The following ARFIP2 variants were observed in gnomAD, a reference collection of about 807,000 sequenced individuals.
The protein encoded by ARFIP2 is arfaptin-2.
ARFIP2 carries 14 observed loss-of-function variants against 39.2 expected under a neutral mutation model. That is an observed-to-expected ratio of 0.36 (90% CI 0.24 to 0.56). The LOEUF is 0.56. Among genes scored for constraint, ARFIP2 ranks in the 20% least tolerant of loss-of-function variants. ARFIP2 has a pLI of 0.85. For synonymous variants in ARFIP2, 167 were observed against 172.4 expected, an observed-to-expected ratio of 0.97 and a Z score of 0.24; for missense variants, 305 against 422.5, an observed-to-expected ratio of 0.72 and a Z score of 2.44.
chr11:6,479,517 G>T (rs769161889), intron 3 of ARFIP2: 2 of 623,628 alleles, frequency 3.2e-6, no homozygotes, highest in Non-Finnish European at 2.8e-6. Context: ...GGAAACAGAA[G>T]AAAATACACT....
rs758109695 is a variant in ARFIP2, at chr11:6,477,149, T to C, written c.990A>G (p.Pro330=). 6.2e-7 allele frequency: 1 copy of C among 1,611,634 alleles called. No individual in the cohort carries two copies. The highest frequency in any genetic ancestry group is 1.1e-5 in the South Asian group (1 of 90,404). ...LQQFNIKLRP[P]GAEKPSWLEE... ...CTAGCCAGGAGGGTTTCTCAGCTCCTGGAGGCCGCAGCTTGATGTTGAACT... is the reference window on the plus strand; with the variant it reads ...CTAGCCAGGAGGGTTTCTCAGCTCCCGGAGGCCGCAGCTTGATGTTGAACT... Residue 330 remains proline, a synonymous_variant, in exon 8 of 8, where the codon CCA becomes CCG. Coordinates refer to ENST00000396777, the MANE Select transcript of ARFIP2 (RefSeq NM_001376558.2). The surrounding 1 kb of genome is among the most constrained non-coding windows in gnomAD (Gnocchi z 4.8).
rs995836490 is a variant in ARFIP2 at position 6,480,162 on chromosome 11, A to T, written c.100-94T>A. ...AAGTTTGGATTCAAGCATCATAAAGATAGTACACAAGGGAAGTCTGCACAG... is the reference window on the plus strand; with the variant it reads ...AAGTTTGGATTCAAGCATCATAAAGTTAGTACACAAGGGAAGTCTGCACAG... On this transcript the variant is annotated intron_variant, in intron 2 of 7. Transcript: ENST00000396777. 7 of 1,315,692 alleles carry T rather than the reference A, an allele frequency of 5.3e-6. No individual in the cohort carries two copies. In the African/African-American group the frequency reaches 5.9e-5, roughly 11 times the overall value. 81.5% of individuals were successfully genotyped at this position (1,315,692 alleles called of 1,614,324 possible).
chr11:6,477,156 C>A lies in ARFIP2; in HGVS notation c.983G>T (p.Arg328Leu), dbSNP rs368145555. The change falls in exon 8 of 8, where the codon CGG becomes CTG. Residue 328 changes from arginine (R) to leucine (L), a missense_variant. This residue lies in a region of ARFIP2 where 112 missense variants were observed against 118.2 expected (regional missense o/e 0.95). Coordinates refer to ENST00000396777, the MANE Select transcript of ARFIP2 (RefSeq NM_001376558.2). This position sits in a 1 kb window ranked among gnomAD's most constrained non-coding sequence, Gnocchi z 4.8. The part of the protein sequence containing the change: ...QTLQQFNIKL[R>L]PPGAEKPSWL... ...GGAGGGTTTCTCAGCTCCTGGAGGCCGCAGCTTGATGTTGAACTGCTGCAG... is the reference window on the plus strand; with the variant it reads ...GGAGGGTTTCTCAGCTCCTGGAGGCAGCAGCTTGATGTTGAACTGCTGCAG... The A allele has an allele frequency of 6.2e-7, 1 of 1,611,724 alleles. No homozygotes were observed. Among genetic ancestry groups the A allele is most frequent in the Admixed American group, 1.7e-5 (1 of 59,842 alleles).
In ARFIP2 at chr11:6,477,168, T is replaced by C. The variant is rs1288714143; in HGVS notation, c.971A>G (p.Asn324Ser). Reference protein sequence around the residue: ...KQLEQTLQQFNIKLRPPGAEK... With the variant: ...KQLEQTLQQFSIKLRPPGAEK... ...AGCTCCTGGAGGCCGCAGCTTGATGTTGAACTGCTGCAGGGTCTGCTCCAG... is the reference window on the plus strand; with the variant it reads ...AGCTCCTGGAGGCCGCAGCTTGATGCTGAACTGCTGCAGGGTCTGCTCCAG... The change falls in exon 8 of 8, where the codon AAC becomes AGC. Residue 324 changes from asparagine to serine, a missense_variant. Physicochemically the swap from Asn to Ser is conservative, Grantham distance 46. Coordinates refer to ENST00000396777, the MANE Select transcript of ARFIP2 (RefSeq NM_001376558.2). The surrounding 1 kb of genome is among the most constrained non-coding windows in gnomAD (Gnocchi z 4.8). 2 of 1,612,444 alleles carry C rather than the reference T, an allele frequency of 1.2e-6. No individual in the cohort carries two copies. The highest frequency in any genetic ancestry group is 1.7e-6 in the Non-Finnish European group (2 of 1,179,206).
Position 6,479,156 on chromosome 11 carries a change from C to G in ARFIP2, c.299G>C (p.Gly100Ala). 1 of 1,614,024 alleles carries G rather than the reference C, an allele frequency of 6.2e-7. No homozygotes were observed. Among genetic ancestry groups the G allele is most frequent in the Non-Finnish European group, 8.5e-7 (1 of 1,180,000 alleles). Residue 100 changes from glycine (G) to alanine (A), a missense_variant, in exon 4 of 8, where the codon GGC (glycine) becomes GCC (alanine). Transcript: ENST00000396777. ...AAATCCTACCTTATAGGTGTTGATGCCCCATTTCTTGACGATGTCAAACTT... is the reference window on the plus strand; with the variant it reads ...AAATCCTACCTTATAGGTGTTGATGGCCCATTTCTTGACGATGTCAAACTT... ...GEKFDIVKKW[G>A]INTYKCTKQL...
Position 6,477,322 on chromosome 11 carries a change from T to C in ARFIP2, c.871-54A>G. Reference sequence around the variant, plus strand: ...TGGACTCAGGCGCCCTTCTTGAGGGTCTATGAGCCTGAGCCCAGGCACAGA... The same window carrying C: ...TGGACTCAGGCGCCCTTCTTGAGGGCCTATGAGCCTGAGCCCAGGCACAGA... On this transcript the variant is annotated intron_variant, in intron 7 of 7. Coordinates refer to ENST00000396777, the MANE Select transcript of ARFIP2 (RefSeq NM_001376558.2). This position sits in a 1 kb window ranked among gnomAD's most constrained non-coding sequence, Gnocchi z 4.8. 6.4e-7 allele frequency: 1 copy of C among 1,572,548 alleles called. No individual in the cohort carries two copies. The highest frequency in any genetic ancestry group is 8.6e-7 in the Non-Finnish European group (1 of 1,159,010).
rs1564984303 is a variant in ARFIP2, at chr11:6,478,879, C to T, written c.396G>A (p.Leu132=). ...CATACTTGCGCTTCGTCTCACGCAG[C>T]AACTCAATCTGCAGCTCTAGCTCCA... ...VDLELELQIE[L]LRETKRKYES... is the part of the protein sequence containing the mutation. Residue 132 remains leucine, a synonymous_variant, in exon 5 of 8, where the codon TTG becomes TTA. Coordinates refer to ENST00000396777, the MANE Select transcript of ARFIP2 (RefSeq NM_001376558.2). This position sits in a 1 kb window ranked among gnomAD's most constrained non-coding sequence, Gnocchi z 4.8. 1 of 1,614,204 alleles carries T rather than the reference C, an allele frequency of 6.2e-7. No homozygotes were observed. The highest frequency in any genetic ancestry group is 8.5e-7 in the Non-Finnish European group (1 of 1,180,036).
In ARFIP2 at chr11:6,478,006, A is replaced by T; in HGVS notation, c.695+35T>A. 6.2e-7 allele frequency: 1 copy of T among 1,606,288 alleles called. No homozygotes were observed. Among genetic ancestry groups the T allele is most frequent in the South Asian group, 1.1e-5 (1 of 90,792 alleles). On this transcript the variant is annotated intron_variant, in intron 6 of 7. Transcript: ENST00000396777. This position sits in a 1 kb window ranked among gnomAD's most constrained non-coding sequence, Gnocchi z 4.8. ...CCCAAATTTCCACCCATACCAGCCA[A>T]CTCCCCAAACCCTAAGCCCTGCCAG...
At position 6,476,690 on chromosome 11, in the gene ARFIP2, G is replaced by A. The variant is rs780110342; in HGVS notation, c.*423C>T. ...CAGTCCCCTTCTCTGCAATGGGCAC[G>A]CATAGAGGAGAGACAAAGGGTATTA... On this transcript the variant is annotated 3_prime_UTR_variant, in exon 8 of 8. Transcript: ENST00000396777. 1.1e-5 allele frequency: 2 copies of A among 174,022 alleles called. No individual in the cohort carries two copies. Among genetic ancestry groups the A allele is most frequent in the Admixed American group, 5.5e-5 (1 of 18,298 alleles). 10.8% of individuals were successfully genotyped at this position (174,022 alleles called of 1,614,324 possible). A position where few individuals can be genotyped will look rare whatever the true frequency, so the allele number is the denominator to read the frequency against.
At chr11:6,479,382 G>T in intron 3 of ARFIP2, 124 bp from the exon 4 acceptor site, 1 of 1,592,894 alleles carries the variant, frequency 6.3e-7, no homozygotes. Context: ...AGAGACAACT[G>T]GATGCTCCTG....
chr11:6,481,194 CGTTCAA>C (rs1851733002), intron 1 of ARFIP2, 31 bp downstream of exon 1: 17 of 537,862 alleles, frequency 3.2e-5, no homozygotes, highest in Non-Finnish European at 5.3e-5. Context: ...CAGGTTTGTG[CGTTCAA>C]CTTCCCGTCG....
In ARFIP2 at chr11:6,478,620, C is replaced by G. The variant is rs1361482257; in HGVS notation, c.537+118G>C. 6.7e-7 allele frequency: 1 copy of G among 1,491,310 alleles called. No homozygotes were observed. The highest frequency in any genetic ancestry group is 8.9e-7 in the Non-Finnish European group (1 of 1,118,196). The allele number at this position is 1,491,310 out of a possible 1,614,324, so 92.4% of individuals were successfully genotyped here. ...CAGGTGAGTGCTGCTGGGGGTAGGG[C>G]TGGGCCCACCCTGAAGGGGTTCTCC... On this transcript the variant is annotated intron_variant, in intron 5 of 7. Transcript: ENST00000396777. The surrounding 1 kb of genome is among the most constrained non-coding windows in gnomAD (Gnocchi z 4.8).
At position 6,478,135 on chromosome 11, in the gene ARFIP2, C is replaced by T; in HGVS notation, c.601G>A (p.Gly201Arg). ...LLCKNGETLL[G>R]AVNFFVSSIN... ...CTAGAGACAAAGAAGTTCACGGCTC[C>T]TAGCAGCGTTTCCCCATTCTTGCAT... The change falls in exon 6 of 8, where the codon GGA (glycine) becomes AGA (arginine). Residue 201 changes from glycine (G) to arginine (R), a missense_variant. Physicochemically the swap from Gly to Arg is moderately radical, Grantham distance 125. Around this residue, in one of 3 missense-constraint regions of ARFIP2, gnomAD observed 42 missense variants for 101.2 expected, o/e 0.42. Transcript: ENST00000396777. The surrounding 1 kb of genome is among the most constrained non-coding windows in gnomAD (Gnocchi z 4.8). 1 of 1,614,122 alleles carries T rather than the reference C, an allele frequency of 6.2e-7. No individual in the cohort carries two copies. The highest frequency in any genetic ancestry group is 8.5e-7 in the Non-Finnish European group (1 of 1,180,016).
In ARFIP2 at chr11:6,477,840, G is replaced by C. The variant is rs763765938; in HGVS notation, c.748C>G (p.Arg250Gly). Residue 250 changes from arginine (R) to glycine (G), a missense_variant, in exon 7 of 8, where the codon CGG (arginine) becomes GGG (glycine). This residue lies in a region of ARFIP2 where 112 missense variants were observed against 118.2 expected (regional missense o/e 0.95). Coordinates refer to ENST00000396777, the MANE Select transcript of ARFIP2 (RefSeq NM_001376558.2). This position sits in a 1 kb window ranked among gnomAD's most constrained non-coding sequence, Gnocchi z 4.8. ...AGTCGACCACGTGTCCCTGCATCCC[G>C]GGGGCCTAGACTCAGCTCCTCTAAG... ...TDLEELSLGP[R>G]DAGTRGRLES... 4 of 1,613,822 alleles carry C rather than the reference G, an allele frequency of 2.5e-6. No homozygotes were observed. Among genetic ancestry groups the C allele is most frequent in the East Asian group, 2.2e-5 (1 of 44,876 alleles).
In ARFIP2 at chr11:6,476,779, A is replaced by G. The variant is rs946916111; in HGVS notation, c.*334T>C. On this transcript the variant is annotated 3_prime_UTR_variant, in exon 8 of 8. Coordinates refer to ENST00000396777, the MANE Select transcript of ARFIP2 (RefSeq NM_001376558.2). ...TGCCATTGGCTGACAGGGCATTTTC[A>G]GGCTCTGTCATTGGTCAGGGAGCAC... The G allele has an allele frequency of 7.8e-6, 2 of 255,244 alleles. No homozygotes were observed. Among genetic ancestry groups the G allele is most frequent in the Non-Finnish European group, 1.5e-5 (2 of 130,790 alleles). The allele number at this position is 255,244 out of a possible 1,614,324, so 15.8% of individuals were successfully genotyped here. A position where few individuals can be genotyped will look rare whatever the true frequency, so the allele number is the denominator to read the frequency against.
At position 6,478,359 on chromosome 11, in the gene ARFIP2, G is replaced by A. The variant is rs757815571; in HGVS notation, c.538-161C>T. 6.6e-6 allele frequency among the ~76,000 whole-genome samples: 1 copy of A among 152,080 alleles called. No homozygotes were observed. Among genetic ancestry groups the A allele is most frequent in the Non-Finnish European group, 1.5e-5 (1 of 67,998 alleles). ...GCTCTCTTAGCCGGAAAGTTAGTGG[G>A]ATCACCCTGGGGATACCTGGGGTAG... is the stretch of plus-strand genomic sequence containing the variant. On this transcript the variant is annotated intron_variant, in intron 5 of 7. Transcript: ENST00000396777. This position sits in a 1 kb window ranked among gnomAD's most constrained non-coding sequence, Gnocchi z 4.8.
Position 6,480,472 on chromosome 11 carries a change from C to G in ARFIP2, c.-42-9G>C. The G allele has an allele frequency of 6.9e-7, 1 of 1,440,622 alleles. No individual in the cohort carries two copies. Among genetic ancestry groups the G allele is most frequent in the Non-Finnish European group, 9.4e-7 (1 of 1,066,306 alleles). 89.2% of individuals were successfully genotyped at this position (1,440,622 alleles called of 1,614,324 possible). ...CTCTCCACCCCAGCACCCTGCAAAGCCCAACACAGAAGTTCTGGACACTGG... is the reference window on the plus strand; with the variant it reads ...CTCTCCACCCCAGCACCCTGCAAAGGCCAACACAGAAGTTCTGGACACTGG... On this transcript the variant is annotated splice_polypyrimidine_tract_variant and intron_variant, in intron 1 of 7. Coordinates refer to ENST00000396777, the MANE Select transcript of ARFIP2 (RefSeq NM_001376558.2).
intron 1 of ARFIP2, 24 bp from the exon 2 acceptor site, chr11:6,480,487 C>G (rs192404996): frequency 1.6e-6 from 2 of 1,284,690 alleles, no homozygotes; most frequent in African/African-American, 3.0e-5. Flanking sequence ...CACAGAAGTT[C>G]TGGACACTGG....
rs1017642286 is a variant in ARFIP2 at position 6,478,251 on chromosome 11, A to C, written c.538-53T>G. On this transcript the variant is annotated intron_variant, in intron 5 of 7. Transcript: ENST00000396777. The surrounding 1 kb of genome is among the most constrained non-coding windows in gnomAD (Gnocchi z 4.8). ...TGAATAACACTCCCTACCTGACTGA[A>C]GCTGTAGAGCCCTTCATTCCCCTCC... 3 of 1,600,160 alleles carry C rather than the reference A, an allele frequency of 1.9e-6. No individual in the cohort carries two copies. The highest frequency in any genetic ancestry group is 2.7e-5 in the African/African-American group (2 of 74,566).
Sources: allele counts gnomAD v4.1 joint callset (sites outside exome capture counted in the v4.1 genomes callset), GRCh38; gene constraint gnomAD v4.1.1; regional missense constraint gnomAD v4.1.1; non-coding constraint Gnocchi (gnomAD v3.1); transcripts MANE v1.5; gene names NCBI Gene and HGNC (gene_info 2026-07-23, HGNC 2026-07-21).